Variants in IPCEF1 observed in about 807,000 individuals in gnomAD.
IPCEF1 encodes interactor protein for cytohesin exchange factors 1.
A neutral mutation model predicts 50.9 loss-of-function variants in IPCEF1; 31 were observed. That is an observed-to-expected ratio of 0.61 (90% CI 0.46 to 0.82). The LOEUF (loss-of-function observed/expected upper bound fraction) is 0.82. IPCEF1 is among the 40% of genes least tolerant of loss of function. The probability of loss-of-function intolerance (pLI) is 0.00; values close to 1 mark genes in which losing one functional copy is unlikely to be tolerated. For missense variants in IPCEF1, 458 were observed against 514.0 expected, an observed-to-expected ratio of 0.89 and a Z score of 1.05; for synonymous variants, 181 against 192.0, an observed-to-expected ratio of 0.94 and a Z score of 0.47.
At chr6:154,184,758 AT>A (rs57518036) in intron 10 of IPCEF1, among the ~76,000 whole-genome samples, 1 of 152,024 alleles carries the variant, frequency 6.6e-6, no homozygotes, top group African/African-American at 2.4e-5. Flanking sequence ...GGAAATCTTT[AT>A]TTTTTCTTGG....
intron 10 of IPCEF1, among the ~76,000 whole-genome samples, chr6:154,187,208 C>T (rs1339141304): frequency 6.6e-6 from 1 of 151,802 alleles, no homozygotes; most frequent in Non-Finnish European, 1.5e-5. Flanking sequence ...AGAGATTTTC[C>T]AGGACTACCA....
chr6:154,265,367 A>G (rs889896986), intron 3 of IPCEF1, among the ~76,000 whole-genome samples: 3 of 151,384 alleles, frequency 2.0e-5, no homozygotes, highest in Admixed American at 6.6e-5. Flanking sequence ...TGCAACCTCC[A>G]CTTCCCAGGT....
chr6:154,248,131 T>C (rs1179867491), intron 3 of IPCEF1, among the ~76,000 whole-genome samples: 1 of 152,236 alleles, frequency 6.6e-6, no homozygotes, highest in Non-Finnish European at 1.5e-5. Flanking sequence ...TCTCTGAATA[T>C]TTCTCACGTT....
intron 1 of IPCEF1, among the ~76,000 whole-genome samples, chr6:154,311,980 G>A (rs1783089165): frequency 6.6e-6 from 1 of 151,800 alleles, no homozygotes; most frequent in South Asian, 2.1e-4. Context: ...CAAAAGAAAT[G>A]AAATCAGTAT....
intron 2 of IPCEF1, among the ~76,000 whole-genome samples, chr6:154,282,190 A>G (rs2128664566): frequency 6.6e-6 from 1 of 152,202 alleles, no homozygotes; most frequent in Non-Finnish European, 1.5e-5. Context: ...ATAAATAAAT[A>G]AATAAAATAA....
intron 5 of IPCEF1, among the ~76,000 whole-genome samples, chr6:154,240,564 T>C (rs1488837523): frequency 6.6e-6 from 1 of 151,832 alleles, no homozygotes; most frequent in Non-Finnish European, 1.5e-5. Context: ...ACTTGCAGAA[T>C]AGCTGTCTCA....
chr6:154,192,092 T>G (rs930922970), intron 10 of IPCEF1, among the ~76,000 whole-genome samples: 1 of 152,238 alleles, frequency 6.6e-6, no homozygotes, highest in Non-Finnish European at 1.5e-5. Context: ...AAAGGGTTTC[T>G]GCATTATGCC....
chr6:154,202,585 C>T (rs1777159642), intron 9 of IPCEF1, among the ~76,000 whole-genome samples: 1 of 152,186 alleles, frequency 6.6e-6, no homozygotes, highest in South Asian at 2.1e-4. Context: ...CTTACTCCTG[C>T]TGACTCTACT....
At chr6:154,303,053 T>C (rs1369429896) in intron 1 of IPCEF1, among the ~76,000 whole-genome samples, 1 of 151,180 alleles carries the variant, frequency 6.6e-6, no homozygotes, top group Non-Finnish European at 1.5e-5. Flanking sequence ...TAAGTTCCCA[T>C]CAGATTTTGA....
At chr6:154,243,451 G>A (rs1179474690) in intron 5 of IPCEF1, among the ~76,000 whole-genome samples, 1 of 152,190 alleles carries the variant, frequency 6.6e-6, no homozygotes, top group African/African-American at 2.4e-5. Context: ...AAGTAGCAAC[G>A]TGTGGTGAAA....
intron 10 of IPCEF1, among the ~76,000 whole-genome samples, chr6:154,198,403 A>C (rs969197929): frequency 1.3e-5 from 2 of 152,018 alleles, no homozygotes; most frequent in African/African-American, 4.8e-5. Context: ...CTACTCATTC[A>C]CCTCTAGAAA....
intron 1 of IPCEF1, among the ~76,000 whole-genome samples, chr6:154,352,186 A>G (rs1157073369): frequency 6.6e-6 from 1 of 152,274 alleles, no homozygotes; most frequent in Non-Finnish European, 1.5e-5. Context: ...ACTAAATGTA[A>G]ATGTAAACTA....
intron 1 of IPCEF1, among the ~76,000 whole-genome samples, chr6:154,303,939 C>T (rs1419358920): frequency 6.6e-6 from 1 of 150,680 alleles, no homozygotes; most frequent in Non-Finnish European, 1.5e-5. Context: ...ATAAAATGCA[C>T]TCCTTAACCA....
intron 9 of IPCEF1, among the ~76,000 whole-genome samples, chr6:154,211,551 A>G (rs2128605005): frequency 6.6e-6 from 1 of 152,330 alleles, no homozygotes; most frequent in African/African-American, 2.4e-5. Flanking sequence ...TGAAATGAAG[A>G]CAGGAATATC....
intron 10 of IPCEF1, among the ~76,000 whole-genome samples, chr6:154,175,608 C>T (rs564731780): frequency 2.6e-4 from 40 of 152,112 alleles, no homozygotes; most frequent in African/African-American, 9.4e-4. Context: ...TACACCCTCC[C>T]AAAACTAAAC....
chr6:154,287,904 C>T (rs1159186860), intron 2 of IPCEF1, among the ~76,000 whole-genome samples: 1 of 152,184 alleles, frequency 6.6e-6, no homozygotes, highest in Non-Finnish European at 1.5e-5. Flanking sequence ...AATTCCTCAA[C>T]AAAACATCAA....
In IPCEF1 at chr6:154,277,600, G is replaced by A. The variant is rs1418438183; in HGVS notation, c.-17-11636C>T. ...AAATCTAAGTTTTCAAAAAGAAAAT[G>A]TTCTATTTGTTTTTCCAGGAAGCAT... On this transcript the variant is annotated intron_variant, in intron 2 of 11. Coordinates refer to ENST00000367220, the MANE Select transcript of IPCEF1 (RefSeq NM_001130700.2). Among the ~76,000 whole-genome samples, 5 of 152,122 alleles carry A rather than the reference G, an allele frequency of 3.3e-5. No homozygotes were observed. In the East Asian group the frequency reaches 7.7e-4, roughly 23 times the overall value.
At chr6:154,238,935 A>C (rs1017096642) in intron 5 of IPCEF1, among the ~76,000 whole-genome samples, 2 of 151,962 alleles carry the variant, frequency 1.3e-5, no homozygotes, top group Admixed American at 1.3e-4. Context: ...TTTTTTAAAA[A>C]AAAAAAGAAG....
At chr6:154,190,936 G>A (rs954581183) in intron 10 of IPCEF1, among the ~76,000 whole-genome samples, 1 of 151,996 alleles carries the variant, frequency 6.6e-6, no homozygotes, top group African/African-American at 2.4e-5. Flanking sequence ...GGTACCTATA[G>A]TCCCAGCTAC....
Sources: allele counts gnomAD v4.1 joint callset (sites outside exome capture counted in the v4.1 genomes callset), GRCh38; gene constraint gnomAD v4.1.1; transcripts MANE v1.5; gene names NCBI Gene and HGNC (gene_info 2026-07-23, HGNC 2026-07-21).